The following CAST variants were observed in gnomAD, a reference collection of about 807,000 sequenced individuals.
CAST encodes the protein calpastatin, also known as MIR583 host.
CAST carries 76 observed loss-of-function variants against 119.6 expected under a neutral mutation model. The ratio of observed to expected loss-of-function variants is 0.64; its 90% CI spans 0.53 to 0.77. CAST has a LOEUF of 0.77. Ranked by LOEUF, CAST falls within the 30% of genes least tolerant of loss-of-function variation. The probability of loss-of-function intolerance (pLI) is 0.00; values close to 1 mark genes in which losing one functional copy is unlikely to be tolerated. For missense variants in CAST, 953 were observed against 946.5 expected (o/e 1.01, Z -0.09); for synonymous variants, 319 against 331.6 (o/e 0.96, Z 0.41).
chr5:96,232,461 A>G, the CAST span, among the ~76,000 whole-genome samples: 1 of 152,262 alleles, frequency 6.6e-6, no homozygotes, highest in South Asian at 2.1e-4. Flanking sequence ...AAGAAAATCT[A>G]TGGGGATCTG....
the CAST span, among the ~76,000 whole-genome samples, chr5:96,169,264 T>C: frequency 2.0e-5 from 3 of 152,108 alleles, no homozygotes; most frequent in Admixed American, 2.0e-4. Context: ...CTTGCAGCAG[T>C]ACAGCCCAGG....
the CAST span, among the ~76,000 whole-genome samples, chr5:96,144,768 C>A: frequency 7.2e-5 from 11 of 151,860 alleles, no homozygotes; most frequent in Admixed American, 4.6e-4. Context: ...TCAAGTGAAT[C>A]CAGGTTCAAG....
intron 1 of CAST, among the ~76,000 whole-genome samples, chr5:96,557,097 T>C (rs1189756244): frequency 5.3e-5 from 8 of 151,980 alleles, no homozygotes; most frequent in African/African-American, 1.9e-4. Context: ...GAATTTCGTA[T>C]CCAGCCAAAC....
intron 1 of CAST, among the ~76,000 whole-genome samples, chr5:96,583,215 C>CT (rs202088988): frequency 0.16 from 22,874 of 143,248 alleles, 1,781 homozygotes; most frequent in Middle Eastern, 0.18. Context: ...TTCTCTTATT[C>CT]TTTTTTTTTT....
At chr5:96,097,067 A>C in the CAST span, among the ~76,000 whole-genome samples, 1 of 152,198 alleles carries the variant, frequency 6.6e-6, no homozygotes, top group African/African-American at 2.4e-5. Flanking sequence ...ATATGTCTTA[A>C]AAGCTTTGTA....
Position 96,729,774 on chromosome 5 carries a change from A to G in CAST, c.549+49A>G, listed in dbSNP as rs113577273. 2,004 of 814,280 alleles carry G rather than the reference A, an allele frequency of 2.5e-3. 33 individuals carry two copies. In the African/African-American group the frequency reaches 0.029, roughly 12 times the overall value. 50.4% of individuals were successfully genotyped at this position (814,280 alleles called of 1,614,324 possible). ...AAACCTTAACATCAACTGGATAATAAGATACGGTTCCCCTGTTCACACTGA... is the reference window on the plus strand; with the variant it reads ...AAACCTTAACATCAACTGGATAATAGGATACGGTTCCCCTGTTCACACTGA... On this transcript the variant is annotated intron_variant, in intron 8 of 31. Coordinates refer to ENST00000675179, the MANE Select transcript of CAST (RefSeq NM_001750.7).
At chr5:96,418,332 G>T in the CAST span, among the ~76,000 whole-genome samples, 1 of 152,096 alleles carries the variant, frequency 6.6e-6, no homozygotes, top group Non-Finnish European at 1.5e-5. Context: ...TAAACAAAAT[G>T]ATTTGTTTAA....
the CAST span, among the ~76,000 whole-genome samples, chr5:96,176,173 A>T: frequency 2.0e-5 from 3 of 152,076 alleles, no homozygotes; most frequent in Non-Finnish European, 2.9e-5. Context: ...ACAGAGGAAC[A>T]TGTGCAAAGG....
chr5:96,450,494 A>G, the CAST span, among the ~76,000 whole-genome samples: 13 of 152,202 alleles, frequency 8.5e-5, no homozygotes, highest in Non-Finnish European at 1.8e-4. Flanking sequence ...GGTACAATGT[A>G]CATTATTCGA....
chr5:96,148,799 G>C, the CAST span, among the ~76,000 whole-genome samples: 4 of 152,336 alleles, frequency 2.6e-5, no homozygotes, highest in African/African-American at 7.2e-5. Context: ...ACTATACACG[G>C]AAGACTGTAT....
At chr5:96,356,474 T>C in the CAST span, among the ~76,000 whole-genome samples, 2 of 152,222 alleles carry the variant, frequency 1.3e-5, no homozygotes, top group Admixed American at 1.3e-4. Flanking sequence ...AGGTCTTACA[T>C]TTAAGTCTTT....
the CAST span, among the ~76,000 whole-genome samples, chr5:96,413,981 A>T: frequency 6.7e-6 from 1 of 148,396 alleles, no homozygotes. Flanking sequence ...AAAAAAAAAA[A>T]AAAAAAAATT....
At chr5:96,013,383 T>C in the CAST span, among the ~76,000 whole-genome samples, 1 of 152,092 alleles carries the variant, frequency 6.6e-6, no homozygotes, top group Non-Finnish European at 1.5e-5. Flanking sequence ...TCATTTATTA[T>C]GTCTTGGATA....
chr5:96,210,442 G>T, the CAST span, among the ~76,000 whole-genome samples: 1 of 152,058 alleles, frequency 6.6e-6, no homozygotes, highest in Admixed American at 6.6e-5. Flanking sequence ...ATATTGAAAA[G>T]GCTGTTCTTC....
chr5:96,617,717 G>A (rs187429771), intron 1 of CAST, among the ~76,000 whole-genome samples: 65 of 143,418 alleles, frequency 4.5e-4, no homozygotes, highest in Non-Finnish European at 6.8e-4. Context: ...GCGTGAACCC[G>A]GGAGGCGGAG....
chr5:96,506,221 T>C, the CAST span, among the ~76,000 whole-genome samples: 35 of 152,340 alleles, frequency 2.3e-4, no homozygotes, highest in African/African-American at 7.2e-4. Context: ...ATTTCAAAAA[T>C]GTTCATGGAA....
At chr5:96,756,859 A>C (rs1229780581) in intron 22 of CAST, among the ~76,000 whole-genome samples, 1 of 152,198 alleles carries the variant, frequency 6.6e-6, no homozygotes, top group Admixed American at 6.5e-5. Context: ...CAAATGTGGC[A>C]CTTGGAGTCA....
chr5:96,576,823 C>T (rs1181392018), intron 1 of CAST, among the ~76,000 whole-genome samples: 2 of 151,956 alleles, frequency 1.3e-5, no homozygotes, highest in Admixed American at 1.3e-4. Context: ...TAACTGACCT[C>T]TTTCCAGTTT....
chr5:96,492,693 C>T, the CAST span, among the ~76,000 whole-genome samples: 73 of 152,294 alleles, frequency 4.8e-4, no homozygotes, highest in Middle Eastern at 3.4e-3. Context: ...ACCCTCCTGT[C>T]ATCACATAAT....
Sources: gnomAD v4.1 joint callset for allele counts (sites outside exome capture counted in the v4.1 genomes callset) on GRCh38, gnomAD v4.1.1 for gene constraint, MANE v1.5 for transcripts, NCBI Gene and HGNC (gene_info 2026-07-23, HGNC 2026-07-21) for gene names.